Variants in SOX11 observed in about 807,000 individuals in gnomAD.
SOX11 encodes the protein transcription factor SOX-11.
Under a neutral mutation model 16.7 loss-of-function variants are expected in SOX11, and 5 were observed. The observed-to-expected ratio is 0.30, with a 90% confidence interval of 0.16 to 0.63. The LOEUF (loss-of-function observed/expected upper bound fraction) is 0.63, where lower values mean the gene tolerates loss of function less well. Among genes scored for constraint, SOX11 ranks in the 20% least tolerant of loss-of-function variants. The pLI is 0.82. For synonymous variants in SOX11, 363 were observed against 298.8 expected (o/e 1.21, Z -2.22); for missense variants, 492 against 641.5 (o/e 0.77, Z 2.52).
In SOX11 at chr2:5,693,766, A is replaced by AGCAGCAGCG. The variant is rs756643372; in HGVS notation, c.1057_1065dup (p.Ser353_Gly355dup). 18 of 1,580,894 alleles carry AGCAGCAGCG rather than the reference A, an allele frequency of 1.1e-5. No homozygotes were observed. Among genetic ancestry groups the AGCAGCAGCG allele is most frequent in the African/African-American group, 5.4e-5 (4 of 74,514 alleles). On this transcript the variant is annotated inframe_insertion, in exon 1 of 1. Transcript: ENST00000322002. The surrounding 1 kb of genome is among the most constrained non-coding windows in gnomAD (Gnocchi z 8.6). Reference sequence around the variant, plus strand: ...CACCTCCTCGTCCAGCAGCAGCGGCAGCAGCAGCGGCAGCAGCGGCGAGGA... The same window carrying AGCAGCAGCG: ...CACCTCCTCGTCCAGCAGCAGCGGCAGCAGCAGCGGCAGCAGCGGCAGCAGCGGCGAGGA...
At position 5,692,777 on chromosome 2, in the gene SOX11, T is replaced by C; in HGVS notation, c.56T>C (p.Leu19Pro). 1 of 1,611,342 alleles carries C rather than the reference T, an allele frequency of 6.2e-7. No homozygotes were observed. Among genetic ancestry groups the C allele is most frequent in the Non-Finnish European group, 8.5e-7 (1 of 1,178,276 alleles). The change falls in exon 1 of 1, where the codon CTG becomes CCG. Residue 19 changes from leucine (L) to proline (P), a missense_variant. By Grantham distance (98) the Leu-to-Pro change is moderately conservative. Transcript: ENST00000322002. ...EAESNLPREA[L>P]DTEEGEFMAC... The stretch of plus-strand genomic sequence containing the variant: ...GAGAGCAACCTGCCCCGGGAGGCGC[T>C]GGACACGGAGGAGGGCGAATTCATG...
rs1237678164 is a variant in SOX11 at position 5,695,119 on chromosome 2, A to C, written c.*1072A>C. 1 of 166,630 alleles carries C rather than the reference A, an allele frequency of 6.0e-6. No individual in the cohort carries two copies. The highest frequency in any genetic ancestry group is 1.5e-5 in the Non-Finnish European group (1 of 68,032). The allele number at this position is 166,630 out of a possible 1,614,324, so 10.3% of individuals were successfully genotyped here. A position where few individuals can be genotyped will look rare whatever the true frequency, so the allele number is the denominator to read the frequency against. On this transcript the variant is annotated 3_prime_UTR_variant, in exon 1 of 1. Transcript: ENST00000322002. ...TCTTTTTTTTCCTCTGTTTTTTAGC[A>C]TGCAAGTATGTTGGTACGTTATGTC...
At position 5,692,621 on chromosome 2, in the gene SOX11, C is replaced by CACATCTGACGCTGCCGACGATATGCAG; in HGVS notation, c.-101_-100insACATCTGACGCTGCCGACGATATGCAG. ...AGCCGCGAAAGCGGGGTGCCGAGGA[C>CACATCTGACGCTGCCGACGATATGCAG]TTTGCAACTTGCCCAGGAAGGTGGA... On this transcript the variant is annotated 5_prime_UTR_variant, in exon 1 of 1. The change creates a new upstream start codon in the 5' untranslated region. Coordinates refer to ENST00000322002, the MANE Select transcript of SOX11 (RefSeq NM_003108.4). The CACATCTGACGCTGCCGACGATATGCAG allele has an allele frequency of 1.1e-6, 1 of 877,116 alleles. No individual in the cohort carries two copies. The highest frequency in any genetic ancestry group is 1.6e-6 in the Non-Finnish European group (1 of 616,544). 54.3% of individuals were successfully genotyped at this position (877,116 alleles called of 1,614,324 possible).
At position 5,693,000 on chromosome 2, in the gene SOX11, C is replaced by G; in HGVS notation, c.279C>G (p.Ser93Arg). The change falls in exon 1 of 1, where the codon AGC becomes AGG. Residue 93 changes from serine (S) to arginine (R), a missense_variant. This residue lies in a region of SOX11 where 28 missense variants were observed against 125.6 expected (regional missense o/e 0.22). Transcript: ENST00000322002. The part of the protein sequence containing the change: ...LGKRWKMLKD[S>R]EKIPFIREAE... ...AGCGCTGGAAAATGCTGAAGGACAG[C>G]GAGAAGATCCCGTTCATCCGGGAGG... 1 of 1,614,126 alleles carries G rather than the reference C, an allele frequency of 6.2e-7. No homozygotes were observed. Among genetic ancestry groups the G allele is most frequent in the South Asian group, 1.1e-5 (1 of 91,076 alleles).
chr2:5,694,528 G>A lies in SOX11; in HGVS notation c.*481G>A. On this transcript the variant is annotated 3_prime_UTR_variant, in exon 1 of 1. Transcript: ENST00000322002. ...TGTCGGTCTTTGAAGTCTGGAAGACGTCTGCAGAGGACCCTTTTGGCAGCA... is the reference window on the plus strand; with the variant it reads ...TGTCGGTCTTTGAAGTCTGGAAGACATCTGCAGAGGACCCTTTTGGCAGCA... 3.5e-6 allele frequency: 1 copy of A among 286,500 alleles called. No individual in the cohort carries two copies. Among genetic ancestry groups the A allele is most frequent in the Non-Finnish European group, 6.8e-6 (1 of 146,906 alleles). The allele number at this position is 286,500 out of a possible 1,614,324, so 17.7% of individuals were successfully genotyped here. A position where few individuals can be genotyped will look rare whatever the true frequency, so the allele number is the denominator to read the frequency against.
In SOX11 at chr2:5,696,146, GC is replaced by G; in HGVS notation, c.*2101del. ...CCCCGCCTCTCAAAGGGTGGGGACA[GC>G]CGTTTCCAGATTTGAATTTTTTCTG... On this transcript the variant is annotated 3_prime_UTR_variant, in exon 1 of 1. Transcript: ENST00000322002. 1 of 167,306 alleles carries G rather than the reference GC, an allele frequency of 6.0e-6. No homozygotes were observed. Among genetic ancestry groups the G allele is most frequent in the East Asian group, 1.9e-4 (1 of 5,182 alleles). 10.4% of individuals were successfully genotyped at this position (167,306 alleles called of 1,614,324 possible). A position where few individuals can be genotyped will look rare whatever the true frequency, so the allele number is the denominator to read the frequency against.
rs751221446 is a variant in SOX11, at chr2:5,693,752, C to CCAGCAGCAGCGG, written c.1051_1062dup (p.Ser351_Ser354dup). 11,011 of 1,587,460 alleles carry CCAGCAGCAGCGG rather than the reference C, an allele frequency of 6.9e-3. 48 individuals carry two copies. Among genetic ancestry groups the CCAGCAGCAGCGG allele is most frequent in the Non-Finnish European group, 8.3e-3 (9,716 of 1,169,130 alleles). ...TCGCGCTCGGTGTCCACCTCCTCGT[C>CCAGCAGCAGCGG]CAGCAGCAGCGGCAGCAGCAGCGGC... On this transcript the variant is annotated inframe_insertion, in exon 1 of 1. Coordinates refer to ENST00000322002, the MANE Select transcript of SOX11 (RefSeq NM_003108.4). The surrounding 1 kb of genome is among the most constrained non-coding windows in gnomAD (Gnocchi z 8.6).
Position 5,693,027 on chromosome 2 carries a change from G to T in SOX11, c.306G>T (p.Ala102=). 1.2e-6 allele frequency: 2 copies of T among 1,614,118 alleles called. No homozygotes were observed. The highest frequency in any genetic ancestry group is 1.7e-6 in the Non-Finnish European group (2 of 1,180,006). Residue 102 remains alanine, a synonymous_variant, in exon 1 of 1, where the codon GCG becomes GCT. Coordinates refer to ENST00000322002, the MANE Select transcript of SOX11 (RefSeq NM_003108.4). The surrounding 1 kb of genome is among the most constrained non-coding windows in gnomAD (Gnocchi z 8.6). ...DSEKIPFIRE[A]ERLRLKHMAD... is the part of the protein sequence containing the mutation. ...AGAAGATCCCGTTCATCCGGGAGGC[G>T]GAGCGGCTGCGGCTCAAGCACATGG...
rs1424371559 is a variant in SOX11, at chr2:5,692,534, G to T, written c.-188G>T. On this transcript the variant is annotated 5_prime_UTR_variant, in exon 1 of 1. Transcript: ENST00000322002. ...AGCTCCCACCGCGCCGGCGGCCGTCGTCGCCGAAGCCACCACAGCCGCTGT... is the reference window on the plus strand; with the variant it reads ...AGCTCCCACCGCGCCGGCGGCCGTCTTCGCCGAAGCCACCACAGCCGCTGT... 4.3e-6 allele frequency: 2 copies of T among 467,220 alleles called. No homozygotes were observed. Among genetic ancestry groups the T allele is most frequent in the Non-Finnish European group, 7.0e-6 (2 of 286,154 alleles). 28.9% of individuals were successfully genotyped at this position (467,220 alleles called of 1,614,324 possible).
chr2:5,693,198 C>A lies in SOX11; in HGVS notation c.477C>A (p.Thr159=). ...GCGGAGGCGCGGGCGGTGCCAAGAC[C>A]TCCAAGGGCTCCAGCAAGAAATGCG... The part of the protein sequence containing the change: ...SAGGGAGGAK[T]SKGSSKKCGK... Residue 159 remains threonine, a synonymous_variant, in exon 1 of 1, where the codon ACC becomes ACA. Transcript: ENST00000322002. The surrounding 1 kb of genome is among the most constrained non-coding windows in gnomAD (Gnocchi z 8.6). 1 of 1,521,190 alleles carries A rather than the reference C, an allele frequency of 6.6e-7. No individual in the cohort carries two copies. The highest frequency in any genetic ancestry group is 8.8e-7 in the Non-Finnish European group (1 of 1,140,584). 94.2% of individuals were successfully genotyped at this position (1,521,190 alleles called of 1,614,324 possible). A position where few individuals can be genotyped will look rare whatever the true frequency, so the allele number is the denominator to read the frequency against.
At position 5,696,360 on chromosome 2, in the gene SOX11, G is replaced by T. The variant is rs1665727984; in HGVS notation, c.*2313G>T. ...GTCGGAGGGAAGGAGGACGGTGCGG[G>T]GCCGCAGGGGGCGCGGGGCGCGGCG... On this transcript the variant is annotated 3_prime_UTR_variant, in exon 1 of 1. Coordinates refer to ENST00000322002, the MANE Select transcript of SOX11 (RefSeq NM_003108.4). 2 of 167,650 alleles carry T rather than the reference G, an allele frequency of 1.2e-5. No individual in the cohort carries two copies. Among genetic ancestry groups the T allele is most frequent in the South Asian group, 1.9e-4 (1 of 5,248 alleles). 10.4% of individuals were successfully genotyped at this position (167,650 alleles called of 1,614,324 possible). A position where few individuals can be genotyped will look rare whatever the true frequency, so the allele number is the denominator to read the frequency against.
Position 5,693,784 on chromosome 2 carries a change from G to A in SOX11, c.1063G>A (p.Gly355Ser), listed in dbSNP as rs751432316. 2.6e-6 allele frequency: 4 copies of A among 1,552,686 alleles called. No homozygotes were observed. In the East Asian group the frequency reaches 7.1e-5, roughly 28 times the overall value. Reference protein sequence around the residue: ...SSSGSSSGSSGEDADDLMFDL... With the variant: ...SSSGSSSGSSSEDADDLMFDL... ...CAGCGGCAGCAGCAGCGGCAGCAGCGGCGAGGACGCCGACGACCTGATGTT... is the reference window on the plus strand; with the variant it reads ...CAGCGGCAGCAGCAGCGGCAGCAGCAGCGAGGACGCCGACGACCTGATGTT... The change falls in exon 1 of 1, where the codon GGC (glycine) becomes AGC (serine). Residue 355 changes from glycine (G) to serine (S), a missense_variant. Gly to Ser is a moderately conservative substitution (Grantham distance 56). Coordinates refer to ENST00000322002, the MANE Select transcript of SOX11 (RefSeq NM_003108.4). This position sits in a 1 kb window ranked among gnomAD's most constrained non-coding sequence, Gnocchi z 8.6.
rs1226706343 is a variant in SOX11, at chr2:5,693,431, T to A, written c.710T>A (p.Leu237Gln). ...GACGACGACGACGACGAGCTGCAGC[T>A]GCAGATCAAACAGGAGCCGGACGAG... ...DDDDDDDELQ[L>Q]QIKQEPDEED... Residue 237 changes from leucine to glutamine, a missense_variant, in exon 1 of 1, where the codon CTG becomes CAG. Leu to Gln is a moderately radical substitution (Grantham distance 113). Transcript: ENST00000322002. The surrounding 1 kb of genome is among the most constrained non-coding windows in gnomAD (Gnocchi z 8.6). The A allele has an allele frequency of 7.5e-6, 12 of 1,591,674 alleles. No individual in the cohort carries two copies. The African/African-American group carries it at 1.1e-4, about 14-fold the overall frequency.
rs1665817087 is a variant in SOX11 at position 5,700,445 on chromosome 2, A to C, written c.*6398A>C. On this transcript the variant is annotated 3_prime_UTR_variant, in exon 1 of 1. Transcript: ENST00000322002. ...CAAAAAAAAAAAAAAGGACAACTGG[A>C]AGTAATTTATCATATAAAGAATTTT... is the stretch of plus-strand genomic sequence containing the variant. The C allele has an allele frequency of 6.1e-6, 1 of 164,866 alleles. No individual in the cohort carries two copies. 10.2% of individuals were successfully genotyped at this position (164,866 alleles called of 1,614,324 possible).
Position 5,692,600 on chromosome 2 carries a change from G to A in SOX11, c.-122G>A, listed in dbSNP as rs1231316644. 4.1e-6 allele frequency: 3 copies of A among 724,934 alleles called. No individual in the cohort carries two copies. The highest frequency in any genetic ancestry group is 1.8e-5 in the African/African-American group (1 of 54,876). The allele number at this position is 724,934 out of a possible 1,614,324, so 44.9% of individuals were successfully genotyped here. The stretch of plus-strand genomic sequence containing the variant: ...GGGGGCGGGGGGGAGGGGGGGAGCC[G>A]CGAAAGCGGGGTGCCGAGGACTTTG... On this transcript the variant is annotated 5_prime_UTR_variant, in exon 1 of 1. Coordinates refer to ENST00000322002, the MANE Select transcript of SOX11 (RefSeq NM_003108.4).
chr2:5,694,653 T>A lies in SOX11; in HGVS notation c.*606T>A, dbSNP rs1665698212. ...TAACAAAAAAAGGGACCATTGCAAC[T>A]TTTGTTAATTTAATTTTTTTTTTTT... On this transcript the variant is annotated 3_prime_UTR_variant, in exon 1 of 1. Transcript: ENST00000322002. 6.1e-6 allele frequency: 1 copy of A among 163,496 alleles called. No individual in the cohort carries two copies. Among genetic ancestry groups the A allele is most frequent in the African/African-American group, 2.5e-5 (1 of 40,110 alleles). The allele number at this position is 163,496 out of a possible 1,614,324, so 10.1% of individuals were successfully genotyped here.
rs1447931988 is a variant in SOX11 at position 5,693,779 on chromosome 2, G to A, written c.1058G>A (p.Ser353Asn). 1.3e-6 allele frequency: 2 copies of A among 1,568,998 alleles called. No homozygotes were observed. The highest frequency in any genetic ancestry group is 1.2e-5 in the South Asian group (1 of 86,322). Residue 353 changes from serine (S) to asparagine (N), a missense_variant, in exon 1 of 1, where the codon AGC becomes AAC. Coordinates refer to ENST00000322002, the MANE Select transcript of SOX11 (RefSeq NM_003108.4). This position sits in a 1 kb window ranked among gnomAD's most constrained non-coding sequence, Gnocchi z 8.6. ...AGCAGCAGCGGCAGCAGCAGCGGCAGCAGCGGCGAGGACGCCGACGACCTG... is the reference window on the plus strand; with the variant it reads ...AGCAGCAGCGGCAGCAGCAGCGGCAACAGCGGCGAGGACGCCGACGACCTG... ...SSSSSGSSSGSSGEDADDLMF... is the reference protein window; with the variant it reads ...SSSSSGSSSGNSGEDADDLMF...
Position 5,692,784 on chromosome 2 carries a change from G to C in SOX11, c.63G>C (p.Thr21=), listed in dbSNP as rs139885563. 1.9e-6 allele frequency: 3 copies of C among 1,612,286 alleles called. No homozygotes were observed. Among genetic ancestry groups the C allele is most frequent in the Admixed American group, 1.7e-5 (1 of 59,948 alleles). Residue 21 remains threonine (T), a synonymous_variant, in exon 1 of 1, where the codon ACG becomes ACC. Coordinates refer to ENST00000322002, the MANE Select transcript of SOX11 (RefSeq NM_003108.4). The part of the protein sequence containing the change: ...ESNLPREALD[T]EEGEFMACSP... ...ACCTGCCCCGGGAGGCGCTGGACAC[G>C]GAGGAGGGCGAATTCATGGCTTGCA...
Position 5,693,400 on chromosome 2 carries a change from G to C in SOX11, c.679G>C (p.Asp227His), listed in dbSNP as rs774871082. 2 of 1,586,702 alleles carry C rather than the reference G, an allele frequency of 1.3e-6. No individual in the cohort carries two copies. The highest frequency in any genetic ancestry group is 1.7e-5 in the Admixed American group (1 of 58,410). The change falls in exon 1 of 1, where the codon GAC becomes CAC. Residue 227 changes from aspartate to histidine, a missense_variant. Physicochemically the swap from Asp to His is moderately conservative, Grantham distance 81. Around this residue, in one of 4 missense-constraint regions of SOX11, gnomAD observed 389 missense variants for 389.0 expected, o/e 1.00. Transcript: ENST00000322002. This position sits in a 1 kb window ranked among gnomAD's most constrained non-coding sequence, Gnocchi z 8.6. ...VKCVFLDEDD[D>H]DDDDDDELQL... ...GTGCGTGTTTCTGGATGAGGACGACGACGACGACGACGACGACGACGAGCT... is the reference window on the plus strand; with the variant it reads ...GTGCGTGTTTCTGGATGAGGACGACCACGACGACGACGACGACGACGAGCT...
Sources: gnomAD v4.1 joint callset for allele counts on GRCh38, gnomAD v4.1.1 for gene constraint, gnomAD v4.1.1 regional missense constraint, Gnocchi (gnomAD v3.1) non-coding constraint, MANE v1.5 for transcripts, NCBI Gene and HGNC (gene_info 2026-07-23, HGNC 2026-07-21) for gene names.